Variants in MDGA2 observed in about 807,000 individuals in gnomAD.
MDGA2 encodes MAM domain containing glycosylphosphatidylinositol anchor 2.
A neutral mutation model predicts 117.8 loss-of-function variants in MDGA2; 40 were observed. That is an observed-to-expected ratio of 0.34 (90% CI 0.26 to 0.44). The LOEUF (loss-of-function observed/expected upper bound fraction) is 0.44, where lower values mean the gene tolerates loss of function less well. Among genes scored for constraint, MDGA2 ranks in the 20% least tolerant of loss-of-function variants. The probability of loss-of-function intolerance (pLI) is 1.00; values close to 1 mark genes in which losing one functional copy is unlikely to be tolerated. For missense variants in MDGA2, 1,123 were observed against 1,250.6 expected, an observed-to-expected ratio of 0.90 and a Z score of 1.54; for synonymous variants, 452 against 439.0, an observed-to-expected ratio of 1.03 and a Z score of -0.37.
chr14:47,098,261 G>GAAAAAAAAAAAAAAAAAAACAAAAAAA (rs71112482), intron 5 of MDGA2, among the ~76,000 whole-genome samples: 1 of 89,290 alleles, frequency 1.1e-5, no homozygotes. Flanking sequence ...TGCCGTGTTT[G>GAAAAAAAAAAAAAAAAAAACAAAAAAA]AAAAAAAAAA....
intron 1 of MDGA2, among the ~76,000 whole-genome samples, chr14:47,558,670 G>A (rs1895734583): frequency 6.6e-6 from 1 of 152,092 alleles, no homozygotes; most frequent in African/African-American, 2.4e-5. Flanking sequence ...TGAAATAACT[G>A]TTTCCTGCCA....
At chr14:46,953,827 T>C (rs550907217) in intron 9 of MDGA2, among the ~76,000 whole-genome samples, 70 of 152,152 alleles carry the variant, frequency 4.6e-4, no homozygotes, top group African/African-American at 1.6e-3. Flanking sequence ...TTGAAAGACA[T>C]AGATAATTTA....
chr14:47,187,120 T>C (rs1476416519), intron 3 of MDGA2, among the ~76,000 whole-genome samples: 3 of 151,624 alleles, frequency 2.0e-5, no homozygotes, highest in African/African-American at 7.3e-5. Context: ...GGTGGGGAAA[T>C]GGGGGCACAA....
At chr14:46,908,438 T>G (rs527539689) in intron 10 of MDGA2, among the ~76,000 whole-genome samples, 1 of 152,248 alleles carries the variant, frequency 6.6e-6, no homozygotes, top group African/African-American at 2.4e-5. Context: ...AATAATTATT[T>G]AAGTAAGCAT....
chr14:47,548,997 G>C (rs1073323), intron 1 of MDGA2, among the ~76,000 whole-genome samples: 4 of 151,920 alleles, frequency 2.6e-5, no homozygotes, highest in Admixed American at 2.0e-4. Flanking sequence ...AGCTCTACGT[G>C]AGGTAAAAAA....
intron 1 of MDGA2, among the ~76,000 whole-genome samples, chr14:47,324,391 G>A (rs1566739035): frequency 1.3e-5 from 2 of 152,186 alleles, no homozygotes; most frequent in Non-Finnish European, 2.9e-5. Context: ...AAATATAGAT[G>A]TGAAAAAATG....
intron 1 of MDGA2, among the ~76,000 whole-genome samples, chr14:47,644,418 A>C (rs756134821): frequency 7.9e-5 from 12 of 152,214 alleles, no homozygotes; most frequent in Non-Finnish European, 1.5e-4. Context: ...TTTTTGAATA[A>C]GGATGAATCT....
intron 9 of MDGA2, among the ~76,000 whole-genome samples, chr14:46,948,746 C>G (rs1288127372): frequency 2.0e-5 from 3 of 151,932 alleles, no homozygotes; most frequent in Non-Finnish European, 4.4e-5. Context: ...ATAAGCCACC[C>G]AGAATAATAT....
chr14:46,851,979 G>A lies in MDGA2; in HGVS notation c.2883+3045C>T, dbSNP rs192408257. 2.6e-5 allele frequency among the ~76,000 whole-genome samples: 4 copies of A among 151,392 alleles called. No homozygotes were observed. The East Asian group carries it at 7.7e-4, about 29-fold the overall frequency. Reference sequence around the variant, plus strand: ...ATGAAACGAGACAAAAACAACAAAAGTGGCATGGGATTGTTTAGTTGTGTT... The same window carrying A: ...ATGAAACGAGACAAAAACAACAAAAATGGCATGGGATTGTTTAGTTGTGTT... On this transcript the variant is annotated intron_variant, in intron 15 of 16. Coordinates refer to ENST00000399232, the MANE Select transcript of MDGA2 (RefSeq NM_001113498.3).
chr14:47,127,173 G>A (rs573244752), intron 5 of MDGA2, among the ~76,000 whole-genome samples: 1 of 152,184 alleles, frequency 6.6e-6, no homozygotes, highest in Middle Eastern at 3.4e-3. Flanking sequence ...CAAACCAACA[G>A]TTTAAAATAC....
chr14:46,938,120 AT>A (rs976543360), intron 9 of MDGA2, among the ~76,000 whole-genome samples: 1 of 152,150 alleles, frequency 6.6e-6, no homozygotes, highest in African/African-American at 2.4e-5. Flanking sequence ...ATACAATCTA[AT>A]TTTTTAAATG....
chr14:47,307,185 T>C (rs894564649), intron 1 of MDGA2, among the ~76,000 whole-genome samples: 2 of 152,162 alleles, frequency 1.3e-5, no homozygotes, highest in Admixed American at 1.3e-4. Context: ...GTGGCTTCCA[T>C]TCTTTTCTTT....
intron 5 of MDGA2, among the ~76,000 whole-genome samples, chr14:47,097,683 C>T (rs1448080817): frequency 6.6e-6 from 1 of 151,946 alleles, no homozygotes; most frequent in Non-Finnish European, 1.5e-5. Flanking sequence ...TCATCTAATT[C>T]TAATGCAGTG....
intron 1 of MDGA2, among the ~76,000 whole-genome samples, chr14:47,404,501 A>G (rs572018023): frequency 6.6e-6 from 1 of 151,768 alleles, no homozygotes; most frequent in Non-Finnish European, 1.5e-5. Flanking sequence ...CAAGTTTAAA[A>G]AAAAAAAAAT....
chr14:47,212,955 T>C (rs1159155441), intron 3 of MDGA2, among the ~76,000 whole-genome samples: 2 of 152,162 alleles, frequency 1.3e-5, no homozygotes, highest in Non-Finnish European at 2.9e-5. Context: ...TGAAGCTCAA[T>C]GTATGACAAG....
intron 3 of MDGA2, among the ~76,000 whole-genome samples, chr14:47,179,410 A>G (rs1403864339): frequency 2.0e-5 from 3 of 151,908 alleles, no homozygotes; most frequent in African/African-American, 7.2e-5. Flanking sequence ...CATTTTTTTC[A>G]TAACTCTTTG....
intron 1 of MDGA2, among the ~76,000 whole-genome samples, chr14:47,657,296 G>A (rs1594966840): frequency 6.6e-6 from 1 of 152,142 alleles, no homozygotes; most frequent in South Asian, 2.1e-4. Context: ...ATAGCAATTG[G>A]AATCAGAATA....
intron 1 of MDGA2, among the ~76,000 whole-genome samples, chr14:47,452,295 G>C (rs1211833842): frequency 1.3e-5 from 2 of 152,080 alleles, no homozygotes; most frequent in Non-Finnish European, 2.9e-5. Flanking sequence ...ATGGCCTGTA[G>C]ATTATGTAGT....
At chr14:46,902,779 T>C (rs1485108306) in intron 10 of MDGA2, among the ~76,000 whole-genome samples, 1 of 152,224 alleles carries the variant, frequency 6.6e-6, no homozygotes. Context: ...TAGAATTTTA[T>C]GGTAGAGAAT....
Sources: gnomAD v4.1 joint callset for allele counts (sites outside exome capture counted in the v4.1 genomes callset) on GRCh38, gnomAD v4.1.1 for gene constraint, MANE v1.5 for transcripts, NCBI Gene and HGNC (gene_info 2026-07-23, HGNC 2026-07-21) for gene names.